Variants in EPB41L4B observed in about 807,000 individuals in gnomAD.
The protein encoded by EPB41L4B is band 4.1-like protein 4B.
Under a neutral mutation model 112.5 loss-of-function variants are expected in EPB41L4B, and 30 were observed. The ratio of observed to expected loss-of-function variants is 0.27; its 90% CI spans 0.20 to 0.36. The LOEUF is 0.36. EPB41L4B is among the 10% of genes least tolerant of loss of function. EPB41L4B has a pLI of 1.00. For synonymous variants in EPB41L4B, 408 were observed against 439.7 expected, an observed-to-expected ratio of 0.93 and a Z score of 0.90; for missense variants, 1,024 against 1,133.3, an observed-to-expected ratio of 0.90 and a Z score of 1.38.
chr9:109,315,910 GGTT>G (rs1345881708), intron 1 of EPB41L4B, among the ~76,000 whole-genome samples: 1 of 151,816 alleles, frequency 6.6e-6, no homozygotes, highest in East Asian at 1.9e-4. Context: ...GCCAAGCAAT[GGTT>G]AGCCTGCCTG....
intron 20 of EPB41L4B, among the ~76,000 whole-genome samples, chr9:109,197,819 CAAAA>C (rs11410452): frequency 7.6e-6 from 1 of 132,054 alleles, no homozygotes; most frequent in Non-Finnish European, 1.6e-5. Flanking sequence ...GACTCTGTAT[CAAAA>C]AAAAAAAAAA....
chr9:109,283,998 T>C (rs1387678525), intron 1 of EPB41L4B, among the ~76,000 whole-genome samples: 2 of 151,968 alleles, frequency 1.3e-5, no homozygotes, highest in African/African-American at 4.8e-5. Context: ...CTCAGGAGGC[T>C]GAGGCAGAAG....
intron 16 of EPB41L4B, among the ~76,000 whole-genome samples, 191 bp from the exon 17 acceptor site, chr9:109,214,009 T>A (rs1439229729): frequency 6.6e-6 from 1 of 152,196 alleles, no homozygotes; most frequent in East Asian, 1.9e-4. Flanking sequence ...TTTCAAGGCT[T>A]AACTGTCCCA....
intron 1 of EPB41L4B, among the ~76,000 whole-genome samples, chr9:109,290,280 C>T (rs546213416): frequency 3.9e-4 from 59 of 152,152 alleles, no homozygotes; most frequent in African/African-American, 1.4e-3. Flanking sequence ...GCATACACTG[C>T]GCCCTGTGGT....
chr9:109,300,217 G>T (rs1836907380), intron 1 of EPB41L4B: 1 of 152,218 alleles, frequency 6.6e-6, no homozygotes, highest in Non-Finnish European at 1.5e-5. Context: ...TTACAGCCAG[G>T]GTGGCTGGGG....
chr9:109,193,681 G>A (rs914276514), intron 21 of EPB41L4B, among the ~76,000 whole-genome samples: 1 of 152,286 alleles, frequency 6.6e-6, no homozygotes, highest in East Asian at 1.9e-4. Context: ...CGTAGCTAGA[G>A]GTCTCTCAAA....
chr9:109,217,780 C>T (rs2118840407), intron 15 of EPB41L4B, among the ~76,000 whole-genome samples: 1 of 152,268 alleles, frequency 6.6e-6, no homozygotes, highest in South Asian at 2.1e-4. Flanking sequence ...GCTATGTTGC[C>T]TGGGCTGGTC....
chr9:109,277,363 G>T (rs567499368), intron 2 of EPB41L4B, among the ~76,000 whole-genome samples: 2 of 151,914 alleles, frequency 1.3e-5, no homozygotes, highest in South Asian at 4.2e-4. Context: ...AAGTGTAGGG[G>T]AAGAAAATTC....
In EPB41L4B at chr9:109,173,664, G is replaced by C. The variant is rs1441926985; in HGVS notation, c.*890C>G. On this transcript the variant is annotated 3_prime_UTR_variant, in exon 26 of 26. Coordinates refer to ENST00000374566, the MANE Select transcript of EPB41L4B (RefSeq NM_019114.5). ...GTGTGTATTCATTGAGAAAGCTAGG[G>C]AACTAATTTAGAGGGATATTTTGTG... is the stretch of plus-strand genomic sequence containing the variant. 1 of 152,544 alleles carries C rather than the reference G, an allele frequency of 6.6e-6. No individual in the cohort carries two copies. The highest frequency in any genetic ancestry group is 1.5e-5 in the Non-Finnish European group (1 of 68,008). The allele number at this position is 152,544 out of a possible 1,614,324, so 9.4% of individuals were successfully genotyped here. A position where few individuals can be genotyped will look rare whatever the true frequency, so the allele number is the denominator to read the frequency against.
intron 20 of EPB41L4B, among the ~76,000 whole-genome samples, chr9:109,199,000 C>T (rs529887046): frequency 6.6e-6 from 1 of 151,728 alleles, no homozygotes; most frequent in East Asian, 1.9e-4. Flanking sequence ...ACCCTGATTA[C>T]AGCAATTATC....
chr9:109,260,488 C>T (rs943258343), intron 6 of EPB41L4B, among the ~76,000 whole-genome samples: 10 of 146,152 alleles, frequency 6.8e-5, no homozygotes, highest in Non-Finnish European at 8.9e-5. Context: ...AATCTTGGCT[C>T]ACTGCAACCT....
intron 2 of EPB41L4B, among the ~76,000 whole-genome samples, chr9:109,276,083 CAT>C (rs946882470): frequency 2.1e-5 from 3 of 143,906 alleles, no homozygotes; most frequent in East Asian, 2.0e-4. Flanking sequence ...TGTATATATA[CAT>C]ATATATTATA....
chr9:109,304,402 G>GC (rs1229104113), intron 1 of EPB41L4B, among the ~76,000 whole-genome samples: 1 of 152,196 alleles, frequency 6.6e-6, no homozygotes, highest in African/African-American at 2.4e-5. Context: ...AGAGCTTTAA[G>GC]CGCACAATCA....
chr9:109,300,851 ACTATC>A (rs1309820568), intron 1 of EPB41L4B: 1 of 152,144 alleles, frequency 6.6e-6, no homozygotes, highest in Admixed American at 6.5e-5. Context: ...CAACATGATC[ACTATC>A]CTATATGTGA....
In EPB41L4B at chr9:109,257,991, C is replaced by T. The variant is rs1371886802; in HGVS notation, c.752+186G>A. Among the ~76,000 whole-genome samples the T allele has an allele frequency of 2.6e-5, 4 of 152,092 alleles. No homozygotes were observed. In the East Asian group the frequency reaches 7.7e-4, roughly 29 times the overall value. ...GGCCTGGGCAACAGAGCGAGACTCTCTCAAAAATAAAAAGGACAAGATGTG... is the reference window on the plus strand; with the variant it reads ...GGCCTGGGCAACAGAGCGAGACTCTTTCAAAAATAAAAAGGACAAGATGTG... On this transcript the variant is annotated intron_variant, in intron 7 of 25. Transcript: ENST00000374566.
rs969424153 is a variant in EPB41L4B at position 109,200,387 on chromosome 9, C to T, written c.1947-53G>A. The T allele has an allele frequency of 3.7e-5, 52 of 1,403,454 alleles. No individual in the cohort carries two copies. The Admixed American group carries it at 4.4e-4, about 12-fold the overall frequency. 86.9% of individuals were successfully genotyped at this position (1,403,454 alleles called of 1,614,324 possible). On this transcript the variant is annotated intron_variant, in intron 19 of 25. Coordinates refer to ENST00000374566, the MANE Select transcript of EPB41L4B (RefSeq NM_019114.5). ...TACCATCAAAAAAGGTTTATGGTCT[C>T]GTTTTAGCCATAGGGACTGCTTTCT...
intron 20 of EPB41L4B, among the ~76,000 whole-genome samples, chr9:109,199,385 G>A (rs1832747320): frequency 6.6e-6 from 1 of 152,038 alleles, no homozygotes; most frequent in Non-Finnish European, 1.5e-5. Flanking sequence ...AAAAGTGATG[G>A]GGGCCAGGTG....
At chr9:109,220,651 C>G (rs1833541613) in intron 15 of EPB41L4B, among the ~76,000 whole-genome samples, 1 of 152,122 alleles carries the variant, frequency 6.6e-6, no homozygotes, top group African/African-American at 2.4e-5. Context: ...AGAAATGGCA[C>G]TATTTGTCCC....
In EPB41L4B at chr9:109,320,294, G is replaced by A. The variant is rs1248732902; in HGVS notation, c.153C>T (p.Pro51=). 2.8e-6 allele frequency: 3 copies of A among 1,083,254 alleles called. No individual in the cohort carries two copies. The highest frequency in any genetic ancestry group is 3.4e-6 in the Non-Finnish European group (3 of 892,630). 67.1% of individuals were successfully genotyped at this position (1,083,254 alleles called of 1,614,324 possible). A position where few individuals can be genotyped will look rare whatever the true frequency, so the allele number is the denominator to read the frequency against. ...GGAACACGCTGCCCCCGGGCGCGGCGGGCAGCGCCGAGGAGGAGGCGGCGG... is the reference window on the plus strand; with the variant it reads ...GGAACACGCTGCCCCCGGGCGCGGCAGGCAGCGCCGAGGAGGAGGCGGCGG... ...PAAAASSSAL[P]AAPGGSVFPA... Residue 51 remains proline (P), a synonymous_variant, in exon 1 of 26, where the codon CCC becomes CCT. Transcript: ENST00000374566.
Sources: gnomAD v4.1 joint callset for allele counts (sites outside exome capture counted in the v4.1 genomes callset) on GRCh38, gnomAD v4.1.1 for gene constraint, MANE v1.5 for transcripts, NCBI Gene and HGNC (gene_info 2026-07-23, HGNC 2026-07-21) for gene names.